GABRG3: variants seen among roughly 807,000 people sequenced by gnomAD.
GABRG3 encodes gamma-aminobutyric acid type A receptor subunit gamma3.
GABRG3 carries 25 observed loss-of-function variants against 48.8 expected under a neutral mutation model. That is an observed-to-expected ratio of 0.51 (90% CI 0.37 to 0.72). The LOEUF is 0.72. Ranked by LOEUF, GABRG3 falls within the 30% of genes least tolerant of loss-of-function variation. The pLI is 0.00. For missense variants in GABRG3, 394 were observed against 577.9 expected (o/e 0.68, Z 3.26); for synonymous variants, 227 against 217.6 (o/e 1.04, Z -0.38).
intron 3 of GABRG3, among the ~76,000 whole-genome samples, chr15:27,173,597 A>C (rs1170392679): frequency 6.6e-6 from 1 of 151,828 alleles, no homozygotes; most frequent in African/African-American, 2.4e-5. Context: ...TAGACCAGGC[A>C]TGGTGCCTCA....
intron 5 of GABRG3, among the ~76,000 whole-genome samples, chr15:27,359,832 C>T (rs1409193950): frequency 6.6e-6 from 1 of 152,202 alleles, no homozygotes; most frequent in African/African-American, 2.4e-5. Flanking sequence ...GAAGTCATGC[C>T]AAGTTTATCT....
intron 3 of GABRG3, among the ~76,000 whole-genome samples, chr15:27,249,773 A>G (rs752199009): frequency 6.6e-6 from 1 of 152,200 alleles, no homozygotes; most frequent in Non-Finnish European, 1.5e-5. Flanking sequence ...AAAACCTTTT[A>G]CCAGACACCG....
At chr15:27,374,104 T>G (rs1366960953) in intron 5 of GABRG3, among the ~76,000 whole-genome samples, 1 of 151,478 alleles carries the variant, frequency 6.6e-6, no homozygotes, top group African/African-American at 2.4e-5. Context: ...TTCAATCTGA[T>G]GTATCCTAGA....
chr15:27,383,358 A>C (rs749721176), intron 5 of GABRG3, among the ~76,000 whole-genome samples: 3 of 152,186 alleles, frequency 2.0e-5, no homozygotes, highest in Non-Finnish European at 1.5e-5. Flanking sequence ...GGCTATGCTT[A>C]TTTTTATAGA....
At chr15:27,007,167 C>G (rs951565888) in intron 2 of GABRG3, among the ~76,000 whole-genome samples, 1 of 151,742 alleles carries the variant, frequency 6.6e-6, no homozygotes, top group Non-Finnish European at 1.5e-5. Flanking sequence ...GCAGCCTCTG[C>G]TCTCCAGGCT....
intron 3 of GABRG3, among the ~76,000 whole-genome samples, chr15:27,098,267 C>A (rs1314210417): frequency 6.6e-6 from 1 of 152,024 alleles, no homozygotes; most frequent in East Asian, 1.9e-4. Flanking sequence ...AACACCATCT[C>A]TACTAAAAAC....
chr15:27,306,911 A>G (rs1180255759), intron 3 of GABRG3, among the ~76,000 whole-genome samples: 3 of 115,112 alleles, frequency 2.6e-5, no homozygotes, highest in Non-Finnish European at 5.0e-5. Context: ...TTATATATAA[A>G]CATACAATAT....
rs148273208 is a variant in GABRG3, at chr15:27,082,870, G to A, written c.270+56049G>A. Among the ~76,000 whole-genome samples the A allele has an allele frequency of 1.7e-4, 26 of 152,270 alleles. No homozygotes were observed. In the East Asian group the frequency reaches 4.4e-3, roughly 26 times the overall value. On this transcript the variant is annotated intron_variant, in intron 3 of 9. Transcript: ENST00000615808. The stretch of plus-strand genomic sequence containing the variant: ...TCTGTTCCCTGAGGGACCTGCTCCC[G>A]CTTCTCTGTCACTCATGCCTTCTCT...
At chr15:27,296,512 T>C (rs1566761505) in intron 3 of GABRG3, among the ~76,000 whole-genome samples, 1 of 152,128 alleles carries the variant, frequency 6.6e-6, no homozygotes, top group African/African-American at 2.4e-5. Context: ...TCTATACGTA[T>C]AAATAGTCAT....
chr15:27,223,986 C>T (rs948557002), intron 3 of GABRG3, among the ~76,000 whole-genome samples: 1 of 152,220 alleles, frequency 6.6e-6, no homozygotes, highest in Non-Finnish European at 1.5e-5. Context: ...GTCCCTTTCT[C>T]CCACTGGAGC....
intron 3 of GABRG3, among the ~76,000 whole-genome samples, chr15:27,263,409 G>A (rs1890821890): frequency 1.3e-5 from 2 of 152,178 alleles, no homozygotes; most frequent in African/African-American, 4.8e-5. Flanking sequence ...TTCCTTCTAT[G>A]ACAGAAACGA....
intron 3 of GABRG3, among the ~76,000 whole-genome samples, chr15:27,284,518 TCACA>T (rs1595637700): frequency 6.6e-6 from 1 of 152,164 alleles, no homozygotes; most frequent in Admixed American, 6.5e-5. Context: ...ACTCTCTCTC[TCACA>T]CACACTGTCC....
In GABRG3 at chr15:27,388,369, A is replaced by AAAGGAGGGAGGGAGGGG. The variant is rs1896104905; in HGVS notation, c.574+59486_574+59487insGGGAGGGAGGGGAAGGA. ...GAGGGAGGGTAAGGAAGGAAGGAAGAAAGGAAGGAAGGAAGGAAAGGAGGG... is the reference window on the plus strand; with the variant it reads ...GAGGGAGGGTAAGGAAGGAAGGAAGAAAGGAGGGAGGGAGGGGAAGGAAGGAAGGAAGGAAAGGAGGG... On this transcript the variant is annotated intron_variant, in intron 5 of 9. Transcript: ENST00000615808. Among the ~76,000 whole-genome samples, 3 of 31,934 alleles carry AAAGGAGGGAGGGAGGGG rather than the reference A, an allele frequency of 9.4e-5. No homozygotes were observed. In the South Asian group the frequency reaches 5.6e-3, roughly 60 times the overall value. The allele number at this position is 31,934 out of a possible 152,430, so 20.9% of individuals were successfully genotyped here.
intron 5 of GABRG3, among the ~76,000 whole-genome samples, chr15:27,331,570 G>A (rs896939332): frequency 6.6e-6 from 1 of 152,198 alleles, no homozygotes; most frequent in Non-Finnish European, 1.5e-5. Flanking sequence ...AAGGTCAGTG[G>A]TTGCCAGGGG....
At chr15:27,099,847 A>C (rs909983112) in intron 3 of GABRG3, among the ~76,000 whole-genome samples, 1 of 152,214 alleles carries the variant, frequency 6.6e-6, no homozygotes, top group African/African-American at 2.4e-5. Context: ...CTATCACTAT[A>C]GATTCTACAG....
intron 3 of GABRG3, among the ~76,000 whole-genome samples, chr15:27,325,514 C>G (rs1176534655): frequency 6.6e-6 from 1 of 152,228 alleles, no homozygotes; most frequent in Non-Finnish European, 1.5e-5. Context: ...TTCCATAATT[C>G]CTCCTCTGCT....
intron 5 of GABRG3, among the ~76,000 whole-genome samples, chr15:27,346,727 C>A (rs754855101): frequency 2.0e-5 from 3 of 151,932 alleles, no homozygotes; most frequent in African/African-American, 4.8e-5. Context: ...TACTGATGAC[C>A]CCTCCTGCTC....
intron 5 of GABRG3, among the ~76,000 whole-genome samples, chr15:27,372,381 G>GTATT (rs754031749): frequency 3.0e-4 from 45 of 152,034 alleles, no homozygotes; most frequent in African/African-American, 7.5e-4. Context: ...TAAACTTTTT[G>GTATT]TATTTATTTA....
chr15:27,183,806 A>C, intron 3 of GABRG3, among the ~76,000 whole-genome samples: 1 of 152,204 alleles, frequency 6.6e-6, no homozygotes. Context: ...AATTTAATAT[A>C]TATTTAATCT....
Sources: gnomAD v4.1 joint callset for allele counts (sites outside exome capture counted in the v4.1 genomes callset) on GRCh38, gnomAD v4.1.1 for gene constraint, MANE v1.5 for transcripts, NCBI Gene and HGNC (gene_info 2026-07-23, HGNC 2026-07-21) for gene names.